DACH1: variants seen among roughly 807,000 people sequenced by gnomAD.
The protein encoded by DACH1 is dachshund family transcription factor 1, also known as dachshund homolog 1.
In DACH1, 12 loss-of-function variants were observed where a neutral mutation model predicts 54.2. That is an observed-to-expected ratio of 0.22 (90% CI 0.14 to 0.36). The LOEUF (loss-of-function observed/expected upper bound fraction) is 0.36, where lower values mean the gene tolerates loss of function less well. DACH1 is among the 10% of genes least tolerant of loss of function. The pLI, the probability that DACH1 is intolerant of heterozygous loss-of-function variation, is 1.00. For synonymous variants in DACH1, 386 were observed against 366.2 expected (o/e 1.05, Z -0.62); for missense variants, 805 against 929.8 (o/e 0.87, Z 1.75).
In DACH1 at chr13:71,489,235, A is replaced by AG. The variant is rs1322837867; in HGVS notation, c.1571-88dup. 4 of 1,425,852 alleles carry AG rather than the reference A, an allele frequency of 2.8e-6. No homozygotes were observed. In the Admixed American group the frequency reaches 8.9e-5, roughly 32 times the overall value. The allele number at this position is 1,425,852 out of a possible 1,614,324, so 88.3% of individuals were successfully genotyped here. A position where few individuals can be genotyped will look rare whatever the true frequency, so the allele number is the denominator to read the frequency against. The stretch of plus-strand genomic sequence containing the variant: ...AGTAATGGCTTCCCTAGTGGTTTCC[A>AG]GAACATTTATTGCAAATTGGTTCCT... On this transcript the variant is annotated intron_variant, in intron 6 of 10. Coordinates refer to ENST00000613252, the MANE Select transcript of DACH1 (RefSeq NM_080759.6).
chr13:71,629,520 GTA>G (rs1288475182), intron 3 of DACH1, among the ~76,000 whole-genome samples: 3 of 152,078 alleles, frequency 2.0e-5, no homozygotes, highest in African/African-American at 7.2e-5. Context: ...TCATGTCTGT[GTA>G]TGTTTCCAGA....
At chr13:71,723,126 G>T (rs931331789) in intron 1 of DACH1, among the ~76,000 whole-genome samples, 1 of 151,908 alleles carries the variant, frequency 6.6e-6, no homozygotes, top group African/African-American at 2.4e-5. Flanking sequence ...TCTAGGTCTG[G>T]CATAGCAGCT....
At chr13:71,638,474 A>G (rs1402502589) in intron 2 of DACH1, among the ~76,000 whole-genome samples, 1 of 152,188 alleles carries the variant, frequency 6.6e-6, no homozygotes, top group Admixed American at 6.5e-5. Context: ...ATTCTAACTG[A>G]TATCAGTGCC....
At chr13:71,648,671 T>C (rs1444990949) in intron 2 of DACH1, among the ~76,000 whole-genome samples, 1 of 152,202 alleles carries the variant, frequency 6.6e-6, no homozygotes, top group Non-Finnish European at 1.5e-5. Flanking sequence ...GTTTGTAAGA[T>C]CTCAACTGTT....
intron 4 of DACH1, among the ~76,000 whole-genome samples, chr13:71,563,005 T>G (rs868714257): frequency 6.6e-6 from 1 of 152,062 alleles, no homozygotes; most frequent in Non-Finnish European, 1.5e-5. Flanking sequence ...TGCAGCTAAC[T>G]GCATACATGT....
In DACH1 at chr13:71,866,786, A is replaced by G; in HGVS notation, c.-17T>C. 1 of 1,317,252 alleles carries G rather than the reference A, an allele frequency of 7.6e-7. No homozygotes were observed. The highest frequency in any genetic ancestry group is 1.5e-5 in the African/African-American group (1 of 65,986). 81.6% of individuals were successfully genotyped at this position (1,317,252 alleles called of 1,614,324 possible). A position where few individuals can be genotyped will look rare whatever the true frequency, so the allele number is the denominator to read the frequency against. ...CACTGCCATGGTCACATATAAGGGG[A>G]AACAGACGGAGGAGAAGCGAGAGGA... On this transcript the variant is annotated 5_prime_UTR_variant, in exon 1 of 11. Coordinates refer to ENST00000613252, the MANE Select transcript of DACH1 (RefSeq NM_080759.6).
chr13:71,644,475 C>T (rs1189909411), intron 2 of DACH1, among the ~76,000 whole-genome samples: 3 of 152,124 alleles, frequency 2.0e-5, no homozygotes, highest in African/African-American at 4.8e-5. Context: ...TCCACTTCCA[C>T]GCCACAGTAT....
intron 1 of DACH1, among the ~76,000 whole-genome samples, chr13:71,865,525 G>T (rs1874677792): frequency 6.6e-6 from 1 of 152,144 alleles, no homozygotes; most frequent in Non-Finnish European, 1.5e-5. Flanking sequence ...GTCCTGGGGA[G>T]CGCACGAACG....
intron 3 of DACH1, among the ~76,000 whole-genome samples, chr13:71,580,458 T>C (rs1872748589): frequency 6.6e-6 from 1 of 152,162 alleles, no homozygotes; most frequent in Non-Finnish European, 1.5e-5. Flanking sequence ...AAAGTATATA[T>C]TATTAATGTT....
intron 1 of DACH1, among the ~76,000 whole-genome samples, chr13:71,865,019 G>A (rs1018999803): frequency 6.6e-6 from 1 of 152,300 alleles, no homozygotes. Context: ...GAGAGATCGA[G>A]AGAGAGCGCG....
intron 1 of DACH1, among the ~76,000 whole-genome samples, chr13:71,779,995 T>C (rs1886300773): frequency 6.6e-6 from 1 of 151,084 alleles, no homozygotes; most frequent in Non-Finnish European, 1.5e-5. Context: ...AAAAACATCC[T>C]ATGAAGGAAG....
intron 1 of DACH1, among the ~76,000 whole-genome samples, chr13:71,685,265 T>C (rs1464507674): frequency 6.6e-6 from 1 of 152,128 alleles, no homozygotes; most frequent in Admixed American, 6.6e-5. Flanking sequence ...ATTCCACCAA[T>C]AGAGATTTAT....
intron 2 of DACH1, among the ~76,000 whole-genome samples, chr13:71,671,435 AC>A (rs756404061): frequency 1.7e-4 from 26 of 152,188 alleles, no homozygotes; most frequent in Non-Finnish European, 3.1e-4. Context: ...AAGTTACCAT[AC>A]AAAAAAGTAG....
intron 3 of DACH1, among the ~76,000 whole-genome samples, chr13:71,623,205 T>C (rs1400227587): frequency 6.6e-6 from 1 of 151,730 alleles, no homozygotes; most frequent in East Asian, 1.9e-4. Context: ...TTAATGTTTC[T>C]ATTCCTTTAC....
intron 2 of DACH1, among the ~76,000 whole-genome samples, chr13:71,664,104 G>T (rs547558228): frequency 6.6e-6 from 1 of 151,978 alleles, no homozygotes; most frequent in East Asian, 1.9e-4. Context: ...TTTGTAGTGA[G>T]GCCAAAGGTG....
At chr13:71,722,825 A>G (rs1338946738) in intron 1 of DACH1, among the ~76,000 whole-genome samples, 1 of 152,082 alleles carries the variant, frequency 6.6e-6, no homozygotes, top group Non-Finnish European at 1.5e-5. Context: ...GGGCTTCAAT[A>G]TACTATTCGT....
chr13:71,453,627 T>G (rs570544613), intron 10 of DACH1, among the ~76,000 whole-genome samples: 1 of 152,304 alleles, frequency 6.6e-6, no homozygotes, highest in East Asian at 1.9e-4. Flanking sequence ...TTTTCTACTT[T>G]TTTTCTATTT....
intron 1 of DACH1, among the ~76,000 whole-genome samples, chr13:71,724,621 T>G (rs1381222068): frequency 6.6e-6 from 1 of 152,130 alleles, no homozygotes; most frequent in East Asian, 1.9e-4. Context: ...ATGGGTTATT[T>G]CCAAGTCAAT....
chr13:71,678,584 C>T lies in DACH1; in HGVS notation c.964+3211G>A, dbSNP rs1355976104. The stretch of plus-strand genomic sequence containing the variant: ...AGGTCTACAGGGCACTAAACTAACT[C>T]GCTCCCTGCCTCCCTCCCTCCCTCC... On this transcript the variant is annotated intron_variant, in intron 2 of 10. Transcript: ENST00000613252. 5.3e-5 allele frequency among the ~76,000 whole-genome samples: 8 copies of T among 152,074 alleles called. No individual in the cohort carries two copies. In the East Asian group the frequency reaches 5.8e-4, roughly 11 times the overall value.
Sources: gnomAD v4.1 joint callset for allele counts (sites outside exome capture counted in the v4.1 genomes callset) on GRCh38, gnomAD v4.1.1 for gene constraint, MANE v1.5 for transcripts, NCBI Gene and HGNC (gene_info 2026-07-23, HGNC 2026-07-21) for gene names.